ZIC1: variants seen among roughly 807,000 people sequenced by gnomAD.
ZIC1 encodes Zic family zinc finger 1.
In ZIC1, 4 loss-of-function variants were observed where a neutral mutation model predicts 30.9. That is an observed-to-expected ratio of 0.13 (90% CI 0.06 to 0.30). ZIC1 has a LOEUF of 0.30. Ranked by LOEUF, ZIC1 falls within the 10% of genes least tolerant of loss-of-function variation. The pLI, the probability that ZIC1 is intolerant of heterozygous loss-of-function variation, is 1.00. For synonymous variants in ZIC1, 305 were observed against 277.5 expected, an observed-to-expected ratio of 1.10 and a Z score of -0.98; for missense variants, 441 against 639.3, an observed-to-expected ratio of 0.69 and a Z score of 3.34.
chr3:147,415,696 G>A lies in ZIC1; in HGVS notation c.*2145G>A, dbSNP rs2087428147. On this transcript the variant is annotated 3_prime_UTR_variant, in exon 3 of 3. Transcript: ENST00000282928. Reference sequence around the variant, plus strand: ...GAAGCCACAGGCCATATTTGACTCTGAGAAAGAAAACAAGAGGAAAAACCC... The same window carrying A: ...GAAGCCACAGGCCATATTTGACTCTAAGAAAGAAAACAAGAGGAAAAACCC... 1 of 152,208 alleles carries A rather than the reference G, an allele frequency of 6.6e-6. No individual in the cohort carries two copies. Among genetic ancestry groups the A allele is most frequent in the East Asian group, 1.9e-4 (1 of 5,192 alleles). 9.4% of individuals were successfully genotyped at this position (152,208 alleles called of 1,614,324 possible). A position where few individuals can be genotyped will look rare whatever the true frequency, so the allele number is the denominator to read the frequency against.
rs993150969 is a variant in ZIC1, at chr3:147,414,213, G to T, written c.*662G>T. The T allele has an allele frequency of 6.6e-6, 1 of 152,568 alleles. No homozygotes were observed. Among genetic ancestry groups the T allele is most frequent in the African/African-American group, 2.4e-5 (1 of 41,432 alleles). The allele number at this position is 152,568 out of a possible 1,614,324, so 9.5% of individuals were successfully genotyped here. A position where few individuals can be genotyped will look rare whatever the true frequency, so the allele number is the denominator to read the frequency against. On this transcript the variant is annotated 3_prime_UTR_variant, in exon 3 of 3. Coordinates refer to ENST00000282928, the MANE Select transcript of ZIC1 (RefSeq NM_003412.4). ...TTAATGTGCTTTTTTTGTATAAAGT[G>T]CAAACATTTCGTCCCAAAGTCTAAG...
chr3:147,413,815 C>T lies in ZIC1; in HGVS notation c.*264C>T. ...GGTAGGGGGTCGAGGGGGAGGAGGC[C>T]ACCTGACCAAATGCCGCCAACCCCG... On this transcript the variant is annotated 3_prime_UTR_variant, in exon 3 of 3. Coordinates refer to ENST00000282928, the MANE Select transcript of ZIC1 (RefSeq NM_003412.4). 1 of 337,554 alleles carries T rather than the reference C, an allele frequency of 3.0e-6. No individual in the cohort carries two copies. The highest frequency in any genetic ancestry group is 5.2e-6 in the Non-Finnish European group (1 of 190,660). 20.9% of individuals were successfully genotyped at this position (337,554 alleles called of 1,614,324 possible).
Position 147,410,241 on chromosome 3 carries a change from C to T in ZIC1, c.129C>T (p.Gly43=), listed in dbSNP as rs1470498144. 1.2e-6 allele frequency: 2 copies of T among 1,601,396 alleles called. No individual in the cohort carries two copies. ...TGGGCATCAACCCGTTCGCCGACGG[C>T]ATGGGCGCCTTCAAGCTCAACCCCA... ...VGLGINPFAD[G]MGAFKLNPSS... Residue 43 remains glycine, a synonymous_variant, in exon 1 of 3, where the codon GGC becomes GGT. Transcript: ENST00000282928.
chr3:147,413,111 CCA>C (rs1443984678), intron 2 of ZIC1, among the ~76,000 whole-genome samples: 3 of 152,142 alleles, frequency 2.0e-5, no homozygotes, highest in Non-Finnish European at 4.4e-5. Context: ...GGCCTCATAT[CCA>C]GTCTCCCTCT....
rs1170967618 is a variant in ZIC1, at chr3:147,410,862, C to T, written c.750C>T (p.His250=). Residue 250 remains histidine, a synonymous_variant, in exon 1 of 3, where the codon CAC becomes CAT. Transcript: ENST00000282928. Reference sequence around the variant, plus strand: ...GCAACAAAACTTTCAGCACCATGCACGAGCTAGTTACGCACGTCACCGTGG... The same window carrying T: ...GCAACAAAACTTTCAGCACCATGCATGAGCTAGTTACGCACGTCACCGTGG... The part of the protein sequence containing the change: ...KSCNKTFSTM[H]ELVTHVTVEH... The T allele has an allele frequency of 1.2e-6, 2 of 1,614,142 alleles. No homozygotes were observed. The highest frequency in any genetic ancestry group is 2.2e-5 in the East Asian group (1 of 44,892).
At position 147,416,377 on chromosome 3, in the gene ZIC1, T is replaced by C. The variant is rs1425865791; in HGVS notation, c.*2826T>C. ...GTGCATTTAAGAAGATAGTAAATGA[T>C]GAGTTCATCTTTTCTTCGAACATTC... is the stretch of plus-strand genomic sequence containing the variant. On this transcript the variant is annotated 3_prime_UTR_variant, in exon 3 of 3. Coordinates refer to ENST00000282928, the MANE Select transcript of ZIC1 (RefSeq NM_003412.4). 6.6e-6 allele frequency: 1 copy of C among 152,248 alleles called. No homozygotes were observed. The highest frequency in any genetic ancestry group is 2.4e-5 in the African/African-American group (1 of 41,468). The allele number at this position is 152,248 out of a possible 1,614,324, so 9.4% of individuals were successfully genotyped here.
chr3:147,409,863 C>G lies in ZIC1; in HGVS notation c.-250C>G. ...GGGCCGGCAGAATCTGCCTGGCGGG[C>G]GCTGGAGCCTGCGTTACTCGCGGCC... On this transcript the variant is annotated 5_prime_UTR_variant, in exon 1 of 3. Coordinates refer to ENST00000282928, the MANE Select transcript of ZIC1 (RefSeq NM_003412.4). 2.0e-6 allele frequency: 1 copy of G among 495,532 alleles called. No homozygotes were observed. The highest frequency in any genetic ancestry group is 3.5e-6 in the Non-Finnish European group (1 of 284,868). 30.7% of individuals were successfully genotyped at this position (495,532 alleles called of 1,614,324 possible).
chr3:147,413,625 G>T lies in ZIC1; in HGVS notation c.*74G>T. ...ACACGTATACACAACATTACTGAAAGAACCCTGCGAATCAAAACAACCCCC... is the reference window on the plus strand; with the variant it reads ...ACACGTATACACAACATTACTGAAATAACCCTGCGAATCAAAACAACCCCC... On this transcript the variant is annotated 3_prime_UTR_variant, in exon 3 of 3. Coordinates refer to ENST00000282928, the MANE Select transcript of ZIC1 (RefSeq NM_003412.4). 6.5e-7 allele frequency: 1 copy of T among 1,528,308 alleles called. No homozygotes were observed. The highest frequency in any genetic ancestry group is 8.9e-7 in the Non-Finnish European group (1 of 1,129,074). The allele number at this position is 1,528,308 out of a possible 1,614,324, so 94.7% of individuals were successfully genotyped here. A position where few individuals can be genotyped will look rare whatever the true frequency, so the allele number is the denominator to read the frequency against.
chr3:147,411,334 C>CAA lies in ZIC1; in HGVS notation c.982+245_982+246dup, dbSNP rs1428017624. 2.6e-5 allele frequency among the ~76,000 whole-genome samples: 4 copies of CAA among 152,036 alleles called. No individual in the cohort carries two copies. In the South Asian group the frequency reaches 8.3e-4, roughly 31 times the overall value. Reference sequence around the variant, plus strand: ...GTATATAGATTTTTTAAATGAGAAACAAAAAAGGTCGGAGAACAGGAAGCC... The same window carrying CAA: ...GTATATAGATTTTTTAAATGAGAAACAAAAAAAAGGTCGGAGAACAGGAAGCC... On this transcript the variant is annotated intron_variant, in intron 1 of 2. Transcript: ENST00000282928.
rs992537594 is a variant in ZIC1 at position 147,409,818 on chromosome 3, G to A, written c.-295G>A. On this transcript the variant is annotated 5_prime_UTR_variant, in exon 1 of 3. Coordinates refer to ENST00000282928, the MANE Select transcript of ZIC1 (RefSeq NM_003412.4). The stretch of plus-strand genomic sequence containing the variant: ...GCGCGGCCCTCTCGGCAGAGACTGA[G>A]CGGCGAGAAAGTGCGAGCCGGGCCG... 1 of 444,912 alleles carries A rather than the reference G, an allele frequency of 2.2e-6. No individual in the cohort carries two copies. The highest frequency in any genetic ancestry group is 4.0e-6 in the Non-Finnish European group (1 of 252,472). 27.6% of individuals were successfully genotyped at this position (444,912 alleles called of 1,614,324 possible). A position where few individuals can be genotyped will look rare whatever the true frequency, so the allele number is the denominator to read the frequency against.
rs2087344005 is a variant in ZIC1 at position 147,409,654 on chromosome 3, A to T, written c.-459A>T. 6.3e-6 allele frequency: 1 copy of T among 158,460 alleles called. No individual in the cohort carries two copies. The highest frequency in any genetic ancestry group is 1.4e-5 in the Non-Finnish European group (1 of 73,850). The allele number at this position is 158,460 out of a possible 1,614,324, so 9.8% of individuals were successfully genotyped here. ...GCGAGGGGCTAGTGGAGAAGTAAGG[A>T]GGGGCGCGCTGCGCGAGGCGGAGAG... On this transcript the variant is annotated 5_prime_UTR_variant, in exon 1 of 3. Transcript: ENST00000282928.
rs909309986 is a variant in ZIC1, at chr3:147,415,157, T to C, written c.*1606T>C. 6.5e-6 allele frequency: 1 copy of C among 152,680 alleles called. No individual in the cohort carries two copies. The highest frequency in any genetic ancestry group is 2.4e-5 in the African/African-American group (1 of 41,456). 9.5% of individuals were successfully genotyped at this position (152,680 alleles called of 1,614,324 possible). On this transcript the variant is annotated 3_prime_UTR_variant, in exon 3 of 3. Transcript: ENST00000282928. Reference sequence around the variant, plus strand: ...ATGCTAATTTAAATTAATTACTTCCTATGATATGTTATTATTCCTATGATT... The same window carrying C: ...ATGCTAATTTAAATTAATTACTTCCCATGATATGTTATTATTCCTATGATT...
Position 147,414,818 on chromosome 3 carries a change from C to G in ZIC1, c.*1267C>G, listed in dbSNP as rs1192116931. The G allele has an allele frequency of 6.6e-6, 1 of 152,498 alleles. No individual in the cohort carries two copies. Among genetic ancestry groups the G allele is most frequent in the Non-Finnish European group, 1.5e-5 (1 of 68,016 alleles). 9.4% of individuals were successfully genotyped at this position (152,498 alleles called of 1,614,324 possible). A position where few individuals can be genotyped will look rare whatever the true frequency, so the allele number is the denominator to read the frequency against. ...GACCTTTGCAGATGTAGAATAACAA[C>G]CATAAAAATAACAGGAATAGATTGC... On this transcript the variant is annotated 3_prime_UTR_variant, in exon 3 of 3. Coordinates refer to ENST00000282928, the MANE Select transcript of ZIC1 (RefSeq NM_003412.4).
At position 147,411,027 on chromosome 3, in the gene ZIC1, C is replaced by T. The variant is rs2087370079; in HGVS notation, c.915C>T (p.Pro305=). 2.5e-6 allele frequency: 4 copies of T among 1,614,058 alleles called. No homozygotes were observed. Among genetic ancestry groups the T allele is most frequent in the Non-Finnish European group, 3.4e-6 (4 of 1,180,038 alleles). Residue 305 remains proline, a synonymous_variant, in exon 1 of 3, where the codon CCC becomes CCT. Coordinates refer to ENST00000282928, the MANE Select transcript of ZIC1 (RefSeq NM_003412.4). ...VHTGEKPFPC[P]FPGCGKVFAR... ...CGGGCGAGAAGCCCTTTCCCTGCCCCTTCCCTGGCTGTGGCAAGGTCTTCG... is the reference window on the plus strand; with the variant it reads ...CGGGCGAGAAGCCCTTTCCCTGCCCTTTCCCTGGCTGTGGCAAGGTCTTCG...
At chr3:147,411,760 G>T (rs1477275491) in intron 1 of ZIC1, among the ~76,000 whole-genome samples, 3 of 151,912 alleles carry the variant, frequency 2.0e-5, no homozygotes, top group Non-Finnish European at 2.9e-5. Context: ...CTCCATGAGG[G>T]TGTTTTCAAA....
Position 147,416,352 on chromosome 3 carries a change from G to T in ZIC1, c.*2801G>T, listed in dbSNP as rs759102255. 7 of 152,168 alleles carry T rather than the reference G, an allele frequency of 4.6e-5. No individual in the cohort carries two copies. Among genetic ancestry groups the T allele is most frequent in the Admixed American group, 4.6e-4 (7 of 15,274 alleles). The allele number at this position is 152,168 out of a possible 1,614,324, so 9.4% of individuals were successfully genotyped here. ...TAGTGGTACTTTTGTAATTTTGCTG[G>T]TGCATTTAAGAAGATAGTAAATGAT... On this transcript the variant is annotated 3_prime_UTR_variant, in exon 3 of 3. Coordinates refer to ENST00000282928, the MANE Select transcript of ZIC1 (RefSeq NM_003412.4).
rs764570223 is a variant in ZIC1 at position 147,410,698 on chromosome 3, G to T, written c.586G>T (p.Gly196Cys). The part of the protein sequence containing the change: ...SEHYAAPQLH[G>C]YGPMNVNMAA... The stretch of plus-strand genomic sequence containing the variant: ...GCACTATGCTGCGCCGCAGCTGCAC[G>T]GCTACGGGCCCATGAACGTGAACAT... The change falls in exon 1 of 3, where the codon GGC (glycine) becomes TGC (cysteine). Residue 196 changes from glycine (G) to cysteine (C), a missense_variant. Coordinates refer to ENST00000282928, the MANE Select transcript of ZIC1 (RefSeq NM_003412.4). 4.3e-6 allele frequency: 7 copies of T among 1,613,950 alleles called. No individual in the cohort carries two copies.
rs368298985 is a variant in ZIC1, at chr3:147,413,479, C to A, written c.1272C>A (p.Pro424=). The A allele has an allele frequency of 6.2e-7, 1 of 1,614,164 alleles. No homozygotes were observed. The highest frequency in any genetic ancestry group is 1.3e-5 in the African/African-American group (1 of 75,012). Residue 424 remains proline (P), a synonymous_variant, in exon 3 of 3, where the codon CCC becomes CCA. Coordinates refer to ENST00000282928, the MANE Select transcript of ZIC1 (RefSeq NM_003412.4). The part of the protein sequence containing the change: ...TDNPTTSSLS[P]SSSAVHHTAG... ...ACCCGACCACAAGCTCCTTATCGCC[C>A]TCCTCCTCCGCAGTCCACCACACAG... is the stretch of plus-strand genomic sequence containing the variant.
chr3:147,410,884 G>A lies in ZIC1; in HGVS notation c.772G>A (p.Val258Met), dbSNP rs773749583. Residue 258 changes from valine (V) to methionine (M), a missense_variant, in exon 1 of 3, where the codon GTG (valine) becomes ATG (methionine). Coordinates refer to ENST00000282928, the MANE Select transcript of ZIC1 (RefSeq NM_003412.4). ...TMHELVTHVT[V>M]EHVGGPEQSN... is the part of the protein sequence containing the mutation. ...GCACGAGCTAGTTACGCACGTCACCGTGGAGCACGTAGGTGGCCCGGAGCA... is the reference window on the plus strand; with the variant it reads ...GCACGAGCTAGTTACGCACGTCACCATGGAGCACGTAGGTGGCCCGGAGCA... The A allele has an allele frequency of 1.2e-6, 2 of 1,614,136 alleles. No individual in the cohort carries two copies. The highest frequency in any genetic ancestry group is 1.3e-5 in the African/African-American group (1 of 74,942).
Sources: gnomAD v4.1 joint callset for allele counts (sites outside exome capture counted in the v4.1 genomes callset) on GRCh38, gnomAD v4.1.1 for gene constraint, MANE v1.5 for transcripts, NCBI Gene and HGNC (gene_info 2026-07-23, HGNC 2026-07-21) for gene names.